Variants in CSMD1 observed in about 807,000 individuals in gnomAD.
CSMD1 encodes the protein CUB and Sushi multiple domains 1.
In CSMD1, 213 loss-of-function variants were observed where a neutral mutation model predicts 417.5. That is an observed-to-expected ratio of 0.51 (90% CI 0.46 to 0.57). CSMD1 has a LOEUF of 0.57. Among genes scored for constraint, CSMD1 ranks in the 20% least tolerant of loss-of-function variants. The pLI is 0.00. For missense variants in CSMD1, 6,923 were observed against 4,529.7 expected (o/e 1.53, Z -15.17); for synonymous variants, 2,862 against 1,736.8 (o/e 1.65, Z -16.11).
intron 12 of CSMD1, among the ~76,000 whole-genome samples, chr8:3,444,541 G>A (rs1226854300): frequency 6.6e-6 from 1 of 152,064 alleles, no homozygotes; most frequent in Admixed American, 6.6e-5. Context: ...TGGAGGCATT[G>A]GTATTTGCAC....
chr8:4,232,913 C>G (rs556192340), intron 3 of CSMD1, among the ~76,000 whole-genome samples: 82 of 152,226 alleles, frequency 5.4e-4, no homozygotes, highest in Admixed American at 5.2e-3. Context: ...TTGAAATTCA[C>G]AAGAATTCTT....
intron 5 of CSMD1, among the ~76,000 whole-genome samples, chr8:3,811,433 C>G (rs749991173): frequency 6.6e-5 from 10 of 152,156 alleles, no homozygotes; most frequent in Non-Finnish European, 1.2e-4. Flanking sequence ...GTTCGACTTA[C>G]TGGGAGTGGG....
At chr8:4,349,236 G>A (rs891668666) in intron 3 of CSMD1, among the ~76,000 whole-genome samples, 1 of 152,130 alleles carries the variant, frequency 6.6e-6, no homozygotes. Flanking sequence ...TTTGCTAATT[G>A]TCTTGTGGTA....
At chr8:3,100,676 G>C (rs66471223) in intron 46 of CSMD1, among the ~76,000 whole-genome samples, 18,760 of 152,202 alleles carry the variant, frequency 0.12, 1,285 homozygotes, top group East Asian at 0.17. Flanking sequence ...TAGTGCCCCA[G>C]ATTGTTTTTA....
At chr8:3,980,713 C>A (rs1330364591) in intron 5 of CSMD1, among the ~76,000 whole-genome samples, 1 of 152,126 alleles carries the variant, frequency 6.6e-6, no homozygotes, top group Non-Finnish European at 1.5e-5. Context: ...AACGATGTGA[C>A]AAGAAGTAAG....
chr8:4,289,538 G>C (rs1480966733), intron 3 of CSMD1, among the ~76,000 whole-genome samples: 1 of 152,158 alleles, frequency 6.6e-6, no homozygotes. Flanking sequence ...AACACTTTCA[G>C]ATCTGACACG....
chr8:3,153,822 A>T (rs941317566), intron 39 of CSMD1, among the ~76,000 whole-genome samples: 11 of 152,198 alleles, frequency 7.2e-5, no homozygotes, highest in African/African-American at 2.7e-4. Context: ...TCTCCTGTCA[A>T]ACATGCATCA....
chr8:4,568,605 G>A (rs891255211), intron 2 of CSMD1, among the ~76,000 whole-genome samples: 17 of 152,128 alleles, frequency 1.1e-4, no homozygotes, highest in Admixed American at 5.9e-4. Context: ...CTTCATAATA[G>A]AAAGATGTAT....
At chr8:4,082,893 C>G (rs1472373147) in intron 3 of CSMD1, among the ~76,000 whole-genome samples, 1 of 151,406 alleles carries the variant, frequency 6.6e-6, no homozygotes, top group Non-Finnish European at 1.5e-5. Flanking sequence ...TGATACTTTA[C>G]TGACAATGAT....
chr8:3,085,904 G>T (rs941568765), intron 49 of CSMD1, among the ~76,000 whole-genome samples: 1 of 152,172 alleles, frequency 6.6e-6, no homozygotes, highest in Admixed American at 6.5e-5. Flanking sequence ...GGCCTGGAGA[G>T]CACACTCTCT....
At chr8:3,905,696 A>G (rs1024341028) in intron 5 of CSMD1, among the ~76,000 whole-genome samples, 2 of 152,176 alleles carry the variant, frequency 1.3e-5, no homozygotes, top group Non-Finnish European at 2.9e-5. Flanking sequence ...AACCACACTC[A>G]GTATCTCCTT....
intron 12 of CSMD1, among the ~76,000 whole-genome samples, chr8:3,448,649 G>C (rs1238249274): frequency 6.6e-6 from 1 of 152,052 alleles, no homozygotes; most frequent in Non-Finnish European, 1.5e-5. Context: ...GAGCGGGGCA[G>C]CATGAGTGGA....
At chr8:4,901,617 A>G (rs1468138881) in intron 1 of CSMD1, among the ~76,000 whole-genome samples, 1 of 152,180 alleles carries the variant, frequency 6.6e-6, no homozygotes, top group Non-Finnish European at 1.5e-5. Flanking sequence ...CTTTGTCCCC[A>G]TACTTCATTT....
chr8:4,702,129 G>C (rs909778342), intron 1 of CSMD1, among the ~76,000 whole-genome samples: 2 of 152,190 alleles, frequency 1.3e-5, no homozygotes, highest in Non-Finnish European at 2.9e-5. Flanking sequence ...GGCGAAGGTA[G>C]AGCACTAGGA....
chr8:3,656,862 T>C (rs1798136749), intron 7 of CSMD1, among the ~76,000 whole-genome samples: 1 of 149,692 alleles, frequency 6.7e-6, no homozygotes, highest in Non-Finnish European at 1.5e-5. Flanking sequence ...GTGGCAGAGG[T>C]GGCAGTGAGC....
At chr8:4,077,299 A>ATATATATATATATATATG (rs1222297360) in intron 3 of CSMD1, among the ~76,000 whole-genome samples, 14 of 66,124 alleles carry the variant, frequency 2.1e-4, no homozygotes, top group African/African-American at 5.8e-4. Context: ...ATATATGTGT[A>ATATATATATATATATATG]TATATATATA....
At chr8:4,317,811 G>GTAAAGT (rs1479377057) in intron 3 of CSMD1, among the ~76,000 whole-genome samples, 3 of 152,086 alleles carry the variant, frequency 2.0e-5, no homozygotes, top group Non-Finnish European at 1.5e-5. Flanking sequence ...ATACATTGTA[G>GTAAAGT]GCATTCAGTA....
At chr8:4,981,585 C>A (rs1319364224) in intron 1 of CSMD1, among the ~76,000 whole-genome samples, 1 of 152,176 alleles carries the variant, frequency 6.6e-6, no homozygotes, top group Non-Finnish European at 1.5e-5. Flanking sequence ...GTTTGTTCTT[C>A]CTATAAAATA....
intron 5 of CSMD1, among the ~76,000 whole-genome samples, chr8:3,789,924 G>T (rs1585001682): frequency 6.6e-6 from 1 of 151,922 alleles, no homozygotes; most frequent in Non-Finnish European, 1.5e-5. Context: ...GTAGAGACGG[G>T]GTTTCACCAT....
Sources: allele counts gnomAD v4.1 joint callset (sites outside exome capture counted in the v4.1 genomes callset), GRCh38; gene constraint gnomAD v4.1.1; transcripts MANE v1.5; gene names NCBI Gene and HGNC (gene_info 2026-07-23, HGNC 2026-07-21).